The following ANKS1B variants were observed in gnomAD, a reference collection of about 807,000 sequenced individuals.
ANKS1B encodes ankyrin repeat and sterile alpha motif domain containing 1B, also known as ankyrin repeat and sterile alpha motif domain-containing protein 1B.
ANKS1B carries 36 observed loss-of-function variants against 148.3 expected under a neutral mutation model. The ratio of observed to expected loss-of-function variants is 0.24; its 90% CI spans 0.19 to 0.32. ANKS1B has a LOEUF of 0.32. ANKS1B is among the 10% of genes least tolerant of loss of function. The pLI, the probability that ANKS1B is intolerant of heterozygous loss-of-function variation, is 1.00. For synonymous variants in ANKS1B, 542 were observed against 560.8 expected (o/e 0.97, Z 0.47); for missense variants, 1,157 against 1,542.6 (o/e 0.75, Z 4.19).
At chr12:99,308,561 G>A (rs1044518112) in intron 12 of ANKS1B, among the ~76,000 whole-genome samples, 1 of 151,784 alleles carries the variant, frequency 6.6e-6, no homozygotes, top group South Asian at 2.1e-4. Context: ...AGATTTGATA[G>A]CTGACAAAGC....
At chr12:99,468,441 G>C (rs1239487955) in intron 10 of ANKS1B, among the ~76,000 whole-genome samples, 2 of 152,156 alleles carry the variant, frequency 1.3e-5, no homozygotes, top group Non-Finnish European at 2.9e-5. Context: ...TGACAAATGG[G>C]ATCTAATTAA....
chr12:98,905,846 A>AT (rs2099778277), intron 17 of ANKS1B, among the ~76,000 whole-genome samples: 2 of 152,170 alleles, frequency 1.3e-5, no homozygotes, highest in South Asian at 4.2e-4. Context: ...TACCAAGTGG[A>AT]TAAAAAAAAA....
intron 15 of ANKS1B, among the ~76,000 whole-genome samples, chr12:99,086,119 C>A (rs1467300589): frequency 6.6e-6 from 1 of 152,094 alleles, no homozygotes; most frequent in Non-Finnish European, 1.5e-5. Flanking sequence ...TCCTTCCAGT[C>A]CCGTGATGGA....
intron 15 of ANKS1B, among the ~76,000 whole-genome samples, chr12:99,127,784 C>G (rs565325482): frequency 6.6e-6 from 1 of 152,194 alleles, no homozygotes; most frequent in Admixed American, 6.5e-5. Flanking sequence ...TGCTGTACTT[C>G]GATCAGCAAA....
chr12:99,017,486 G>A (rs897662559), intron 17 of ANKS1B, among the ~76,000 whole-genome samples: 3 of 152,064 alleles, frequency 2.0e-5, no homozygotes, highest in Non-Finnish European at 2.9e-5. Flanking sequence ...ACCCAAGATT[G>A]TATTTTGTGG....
chr12:99,899,177 T>C (rs1008273269), intron 1 of ANKS1B, among the ~76,000 whole-genome samples: 26 of 152,188 alleles, frequency 1.7e-4, no homozygotes, highest in Admixed American at 1.3e-3. Context: ...ATATTTATCT[T>C]AATTTTAAGC....
intron 25 of ANKS1B, among the ~76,000 whole-genome samples, chr12:98,759,055 A>G (rs2098336659): frequency 6.6e-6 from 1 of 151,526 alleles, no homozygotes; most frequent in Admixed American, 6.6e-5. Context: ...TGCTAGAATT[A>G]TAGGCATGAA....
intron 9 of ANKS1B, among the ~76,000 whole-genome samples, chr12:99,561,838 T>G (rs1453708043): frequency 6.6e-6 from 1 of 152,214 alleles, no homozygotes; most frequent in African/African-American, 2.4e-5. Flanking sequence ...TATGTTGACC[T>G]CCTCCCATGA....
chr12:99,383,849 CAAAAAAA>C (rs1160915276), intron 12 of ANKS1B, among the ~76,000 whole-genome samples: 7 of 77,834 alleles, frequency 9.0e-5, no homozygotes, highest in African/African-American at 1.4e-4. Context: ...CCCATCTCTA[CAAAAAAA>C]AAAAAAAAAA....
intron 8 of ANKS1B, among the ~76,000 whole-genome samples, chr12:99,687,631 T>C (rs1303568266): frequency 6.6e-6 from 1 of 152,196 alleles, no homozygotes; most frequent in Admixed American, 6.6e-5. Flanking sequence ...AGTACACTTT[T>C]CATTTCAGCT....
At chr12:99,414,509 G>T (rs2152687100) in intron 11 of ANKS1B, among the ~76,000 whole-genome samples, 1 of 150,952 alleles carries the variant, frequency 6.6e-6, no homozygotes, top group East Asian at 2.0e-4. Flanking sequence ...GCCATAAAAA[G>T]GATGAGTTCA....
At chr12:99,925,032 T>C (rs746872874) in intron 1 of ANKS1B, among the ~76,000 whole-genome samples, 9 of 152,058 alleles carry the variant, frequency 5.9e-5, no homozygotes, top group Non-Finnish European at 1.2e-4. Context: ...CATAGTTGTA[T>C]CCCCAGCACC....
intron 9 of ANKS1B, among the ~76,000 whole-genome samples, chr12:99,522,873 C>T (rs746615355): frequency 4.6e-5 from 7 of 152,198 alleles, no homozygotes; most frequent in Non-Finnish European, 8.8e-5. Context: ...GGCGGGCTAA[C>T]TGGATTGTGC....
chr12:99,732,378 G>A (rs997519888), intron 8 of ANKS1B, among the ~76,000 whole-genome samples: 1 of 152,052 alleles, frequency 6.6e-6, no homozygotes, highest in African/African-American at 2.4e-5. Flanking sequence ...GCCAAAATCT[G>A]GAAACAACCC....
intron 17 of ANKS1B, among the ~76,000 whole-genome samples, chr12:98,942,768 G>A (rs1311965575): frequency 6.6e-6 from 1 of 152,196 alleles, no homozygotes; most frequent in East Asian, 1.9e-4. Context: ...CCAACTGATA[G>A]CGACTCCTGT....
intron 15 of ANKS1B, among the ~76,000 whole-genome samples, chr12:99,104,357 A>G (rs57538743): frequency 0.075 from 11,459 of 152,272 alleles, 1,029 homozygotes; most frequent in African/African-American, 0.21. Context: ...TAAATGGTAA[A>G]TAGTAGTAAT....
intron 17 of ANKS1B, among the ~76,000 whole-genome samples, chr12:99,006,853 C>G (rs2099936424): frequency 6.6e-6 from 1 of 152,156 alleles, no homozygotes; most frequent in Non-Finnish European, 1.5e-5. Context: ...TACCATTATT[C>G]TCCTTCCCAT....
At chr12:99,314,690 G>T (rs569238894) in intron 12 of ANKS1B, among the ~76,000 whole-genome samples, 1 of 152,246 alleles carries the variant, frequency 6.6e-6, no homozygotes, top group African/African-American at 2.4e-5. Flanking sequence ...TTCAATAAAT[G>T]GTGGTGGGAA....
chr12:98,896,858 T>C (rs1432084617), intron 17 of ANKS1B, among the ~76,000 whole-genome samples: 1 of 152,222 alleles, frequency 6.6e-6, no homozygotes, highest in Non-Finnish European at 1.5e-5. Flanking sequence ...AGTGTTTTCT[T>C]GGTTTCCCAA....
Sources: gnomAD v4.1 joint callset for allele counts (sites outside exome capture counted in the v4.1 genomes callset) on GRCh38, gnomAD v4.1.1 for gene constraint, MANE v1.5 for transcripts, NCBI Gene and HGNC (gene_info 2026-07-23, HGNC 2026-07-21) for gene names.